Variants in MACF1 observed in about 807,000 individuals in gnomAD.
MACF1 encodes microtubule-actin cross-linking factor 1.
MACF1 carries 193 observed loss-of-function variants against 854.8 expected under a neutral mutation model. That is an observed-to-expected ratio of 0.23 (90% confidence interval 0.20 to 0.25). MACF1 has a LOEUF of 0.25. Ranked by LOEUF, MACF1 falls within the 10% of genes least tolerant of loss-of-function variation. The probability of loss-of-function intolerance (pLI) is 1.00; values close to 1 mark genes in which losing one functional copy is unlikely to be tolerated. For missense variants in MACF1, 7,722 were observed against 8,929.1 expected, an observed-to-expected ratio of 0.86 and a Z score of 5.45; for synonymous variants, 3,185 against 3,226.7, an observed-to-expected ratio of 0.99 and a Z score of 0.44.
intron 2 of MACF1, chr1:39,103,540 C>T (rs1389498815): frequency 6.5e-6 from 1 of 152,950 alleles, no homozygotes; most frequent in African/African-American, 2.4e-5. Context: ...GAAAAATGTG[C>T]TTGTGCCATC....
chr1:39,302,945 G>C lies in MACF1; in HGVS notation c.2656G>C (p.Glu886Gln). 2 of 1,613,812 alleles carry C rather than the reference G, an allele frequency of 1.2e-6. No individual in the cohort carries two copies. Among genetic ancestry groups the C allele is most frequent in the South Asian group, 2.2e-5 (2 of 91,036 alleles). Reference protein sequence around the residue: ...QIEITICKNDECVLEDNSQRT... With the variant: ...QIEITICKNDQCVLEDNSQRT... ...TCAGATTACTATTTGCAAAAATGAT[G>C]AATGTGTGCTAGAAGATAATTCTCA... The change falls in exon 23 of 101, where the codon GAA becomes CAA. Residue 886 changes from glutamate (E) to glutamine (Q), a missense_variant. Around this residue, in one of 15 missense-constraint regions of MACF1, gnomAD observed 1,137 missense variants for 1,263.0 expected, o/e 0.90. Transcript: ENST00000564288.
chr1:39,124,534 C>T (rs1642811519), intron 2 of MACF1, among the ~76,000 whole-genome samples: 1 of 152,160 alleles, frequency 6.6e-6, no homozygotes, highest in Non-Finnish European at 1.5e-5. Flanking sequence ...AGTGTTATTA[C>T]TAATAATTAA....
chr1:39,126,302 G>A (rs868315636), intron 2 of MACF1, among the ~76,000 whole-genome samples: 11 of 152,176 alleles, frequency 7.2e-5, no homozygotes, highest in African/African-American at 9.6e-5. Flanking sequence ...TTCTCTCACC[G>A]CCTTCACATC....
At chr1:39,470,844 T>A (rs554758479) in intron 97 of MACF1, among the ~76,000 whole-genome samples, 1 of 152,318 alleles carries the variant, frequency 6.6e-6, no homozygotes, top group South Asian at 2.1e-4. Flanking sequence ...ATAAAAGAGA[T>A]ATTGCATGTG....
At chr1:39,303,458 T>A (rs981582566) in intron 23 of MACF1, among the ~76,000 whole-genome samples, 2 of 150,008 alleles carry the variant, frequency 1.3e-5, no homozygotes, top group Admixed American at 1.3e-4. Context: ...GGCTTAGGCA[T>A]GAGAATTGCT....
At position 39,333,507 on chromosome 1, in the gene MACF1, T is replaced by C. The variant is rs765858581; in HGVS notation, c.6919T>C (p.Leu2307=). ...IFHEQTGQKL[L]LNEAISRGIV... The stretch of plus-strand genomic sequence containing the variant: ...TCATGAACAAACAGGTCAAAAGCTC[T>C]TACTAAATGAAGCAATATCCCGAGG... Residue 2307 remains leucine (L), a synonymous_variant, in exon 37 of 101, where the codon TTA becomes CTA. Coordinates refer to ENST00000564288, the MANE Select transcript of MACF1 (RefSeq NM_001394062.1). 6.2e-7 allele frequency: 1 copy of C among 1,614,160 alleles called. No homozygotes were observed. The highest frequency in any genetic ancestry group is 1.1e-5 in the South Asian group (1 of 91,078).
intron 2 of MACF1, among the ~76,000 whole-genome samples, chr1:39,104,612 G>A (rs1223700517): frequency 6.6e-6 from 1 of 152,080 alleles, no homozygotes; most frequent in African/African-American, 2.4e-5. Context: ...ATGTCTCCCT[G>A]TCTCTCCTCT....
rs559440218 is a variant in MACF1, at chr1:39,204,727, C to T, written c.-296C>T. The T allele has an allele frequency of 4.2e-5, 13 of 306,360 alleles. No individual in the cohort carries two copies. Among genetic ancestry groups the T allele is most frequent in the African/African-American group, 2.4e-4 (11 of 46,648 alleles). The allele number at this position is 306,360 out of a possible 1,614,324, so 19.0% of individuals were successfully genotyped here. ...TGAGTCAGCTTGACACTGGCTTAGG[C>T]GCTCCTTTTCACTCTCCTTGTTCCT... On this transcript the variant is annotated 5_prime_UTR_variant, in exon 1 of 101. Transcript: ENST00000564288.
At chr1:39,302,701 A>T (rs941624433) in intron 22 of MACF1, among the ~76,000 whole-genome samples, 6 of 152,254 alleles carry the variant, frequency 3.9e-5, no homozygotes, top group African/African-American at 1.4e-4. Context: ...GGTATTTAAT[A>T]CATACTTATT....
intron 99 of MACF1, among the ~76,000 whole-genome samples, chr1:39,481,723 C>T (rs1645015427): frequency 6.6e-6 from 1 of 152,210 alleles, no homozygotes; most frequent in Non-Finnish European, 1.5e-5. Flanking sequence ...AAAACATGGA[C>T]TAGTGGCTTG....
At position 39,442,814 on chromosome 1, in the gene MACF1, G is replaced by C. The variant is rs906914121; in HGVS notation, c.19205G>C (p.Ser6402Thr). Reference sequence around the variant, plus strand: ...TCCAGTGCTGGAGATGATGCCAGCAGCTTAAGGAGCCGTTTGGAAGCCATG... The same window carrying C: ...TCCAGTGCTGGAGATGATGCCAGCACCTTAAGGAGCCGTTTGGAAGCCATG... ...LESSAGDDAS[S>T]LRSRLEAMNQ... Residue 6402 changes from serine to threonine, a missense_variant, in exon 78 of 101, where the codon AGC (serine) becomes ACC (threonine). Transcript: ENST00000564288. The C allele has an allele frequency of 5.6e-6, 9 of 1,614,110 alleles. No individual in the cohort carries two copies. Among genetic ancestry groups the C allele is most frequent in the Non-Finnish European group, 7.6e-6 (9 of 1,179,962 alleles).
intron 2 of MACF1, among the ~76,000 whole-genome samples, chr1:39,162,483 A>G (rs964493418): frequency 3.3e-5 from 5 of 151,926 alleles, no homozygotes; most frequent in Admixed American, 1.3e-4. Context: ...CTCAAGTCTC[A>G]CTTTCCTTCC....
chr1:39,182,186 C>T (rs1259872550), intron 2 of MACF1, among the ~76,000 whole-genome samples: 1 of 151,004 alleles, frequency 6.6e-6, no homozygotes, highest in East Asian at 1.9e-4. Flanking sequence ...ACCCTGACCT[C>T]ACACAACATA....
chr1:39,478,738 C>T (rs1644958573), intron 97 of MACF1, among the ~76,000 whole-genome samples: 1 of 152,112 alleles, frequency 6.6e-6, no homozygotes, highest in South Asian at 2.1e-4. Flanking sequence ...AATTTCCTGC[C>T]ACCTTCTAGA....
chr1:39,270,659 G>A (rs188872103), intron 6 of MACF1, among the ~76,000 whole-genome samples: 336 of 152,222 alleles, frequency 2.2e-3, no homozygotes, highest in Non-Finnish European at 3.3e-3. Context: ...CTGGGATGTT[G>A]GCCTCTGCAG....
rs1642895419 is a variant in MACF1, at chr1:39,409,613, A to G, written c.15817-12761A>G. On this transcript the variant is annotated intron_variant, in intron 58 of 100. Transcript: ENST00000564288. This position sits in a 1 kb window ranked among gnomAD's most constrained non-coding sequence, Gnocchi z 4.2. ...GCAGGGTTGGCCTGGGAGCCACAAC[A>G]ATGCCATGATGTTTTGGAGACAGGA... 1 of 152,220 alleles carries G rather than the reference A, an allele frequency of 6.6e-6. No individual in the cohort carries two copies. Among genetic ancestry groups the G allele is most frequent in the African/African-American group, 2.4e-5 (1 of 41,462 alleles). 9.4% of individuals were successfully genotyped at this position (152,220 alleles called of 1,614,324 possible). A position where few individuals can be genotyped will look rare whatever the true frequency, so the allele number is the denominator to read the frequency against.
chr1:39,359,410 C>T lies in MACF1; in HGVS notation c.12244+146C>T, dbSNP rs1647866460. ...AACATGAATAGACATAGATTGTCATCAAAGAGCTTATCCTCTAATGAACTT... is the reference window on the plus strand; with the variant it reads ...AACATGAATAGACATAGATTGTCATTAAAGAGCTTATCCTCTAATGAACTT... On this transcript the variant is annotated intron_variant, in intron 47 of 100. Transcript: ENST00000564288. 3.1e-6 allele frequency: 3 copies of T among 961,346 alleles called. No homozygotes were observed. The Admixed American group carries it at 8.0e-5, about 26-fold the overall frequency. 59.6% of individuals were successfully genotyped at this position (961,346 alleles called of 1,614,324 possible).
At chr1:39,140,031 G>T (rs566174213) in intron 2 of MACF1, among the ~76,000 whole-genome samples, 65 of 151,644 alleles carry the variant, frequency 4.3e-4, no homozygotes, top group Admixed American at 1.2e-3. Flanking sequence ...ATGGCTCACA[G>T]CAGCCTCAAA....
At chr1:39,423,450 A>G (rs933989546) in intron 60 of MACF1, among the ~76,000 whole-genome samples, 2 of 152,190 alleles carry the variant, frequency 1.3e-5, no homozygotes, top group South Asian at 4.2e-4. Flanking sequence ...CCTGGCTAAC[A>G]CGGTGAAACC....
Sources: allele counts gnomAD v4.1 joint callset (sites outside exome capture counted in the v4.1 genomes callset), GRCh38; gene constraint gnomAD v4.1.1; regional missense constraint gnomAD v4.1.1; non-coding constraint Gnocchi (gnomAD v3.1); transcripts MANE v1.5; gene names NCBI Gene and HGNC (gene_info 2026-07-23, HGNC 2026-07-21).